TMA16: variants seen among roughly 807,000 people sequenced by gnomAD.
TMA16 encodes translation machinery associated 16 homolog, also known as translation machinery-associated protein 16.
Under a neutral mutation model 27.1 loss-of-function variants are expected in TMA16, and 26 were observed. The ratio of observed to expected loss-of-function variants is 0.96; its 90% CI spans 0.70 to 1.33. The LOEUF is 1.33. Ranked by LOEUF, TMA16 falls within the 40% of genes most tolerant of loss-of-function variation. The pLI is 0.00. For missense variants in TMA16, 233 were observed against 241.4 expected (o/e 0.97, Z 0.23); for synonymous variants, 71 against 81.9 (o/e 0.87, Z 0.72).
At chr4:163,495,388 C>A (rs981957115) in intron 1 of TMA16, among the ~76,000 whole-genome samples, 2 of 152,156 alleles carry the variant, frequency 1.3e-5, no homozygotes, top group Non-Finnish European at 2.9e-5. Flanking sequence ...TCTCGTTTAC[C>A]CATTTTGTAG....
intron 2 of TMA16, among the ~76,000 whole-genome samples, chr4:163,509,006 C>G (rs1329612780): frequency 6.6e-6 from 1 of 152,116 alleles, no homozygotes; most frequent in Non-Finnish European, 1.5e-5. Context: ...AGACAATGTT[C>G]TAAATAGATT....
At chr4:163,495,562 T>TG (rs1427135447) in intron 1 of TMA16, among the ~76,000 whole-genome samples, 2 of 152,242 alleles carry the variant, frequency 1.3e-5, no homozygotes, top group East Asian at 3.8e-4. Flanking sequence ...TGTTGTTTCT[T>TG]GCCTATTTTT....
At chr4:163,514,235 T>C in intron 4 of TMA16, 77 bp downstream of exon 4, 1 of 1,184,080 alleles carries the variant, frequency 8.4e-7, no homozygotes, top group Non-Finnish European at 1.2e-6. Flanking sequence ...CACAGAGCTC[T>C]GTTACGGATT....
intron 3 of TMA16, 87 bp from the exon 4 acceptor site, chr4:163,513,985 AAC>A (rs1226211279): frequency 1.9e-6 from 2 of 1,039,394 alleles, no homozygotes; most frequent in African/African-American, 3.3e-5. Context: ...TTCTGTTTTA[AAC>A]ACGTTAATGT....
chr4:163,505,672 A>G (rs1029204113), intron 1 of TMA16, among the ~76,000 whole-genome samples: 5 of 152,264 alleles, frequency 3.3e-5, no homozygotes, highest in Non-Finnish European at 7.4e-5. Flanking sequence ...ATGGGAAATA[A>G]TGGTGGAGAA....
intron 1 of TMA16, among the ~76,000 whole-genome samples, chr4:163,496,037 T>G (rs1482188214): frequency 1.3e-5 from 2 of 152,260 alleles, no homozygotes; most frequent in Non-Finnish European, 2.9e-5. Context: ...GAGCTTCACT[T>G]TTTATCAGGC....
At chr4:163,511,273 T>C (rs1737792837) in intron 2 of TMA16, among the ~76,000 whole-genome samples, 1 of 151,958 alleles carries the variant, frequency 6.6e-6, no homozygotes, top group South Asian at 2.1e-4. Flanking sequence ...AGTAGGTGTA[T>C]AGTGGTATTT....
Position 163,498,584 on chromosome 4 carries a change from G to A in TMA16, c.3+3780G>A, listed in dbSNP as rs1014071964. 2.0e-5 allele frequency among the ~76,000 whole-genome samples: 3 copies of A among 152,124 alleles called. No homozygotes were observed. In the East Asian group the frequency reaches 5.8e-4, roughly 29 times the overall value. ...TTACAGGCATGAGCCACTGTGCCCGGCTGGTTAAAAGATTTTTGACCAAGA... is the reference window on the plus strand; with the variant it reads ...TTACAGGCATGAGCCACTGTGCCCGACTGGTTAAAAGATTTTTGACCAAGA... On this transcript the variant is annotated intron_variant, in intron 1 of 6. Coordinates refer to ENST00000358572, the MANE Select transcript of TMA16 (RefSeq NM_018352.3).
intron 2 of TMA16, among the ~76,000 whole-genome samples, chr4:163,511,279 T>TTAAA: frequency 6.6e-6 from 1 of 151,982 alleles, no homozygotes; most frequent in Non-Finnish European, 1.5e-5. Context: ...TGTATAGTGG[T>TTAAA]ATTTCAGTGT....
chr4:163,496,741 G>T (rs960940961), intron 1 of TMA16, among the ~76,000 whole-genome samples: 16 of 151,978 alleles, frequency 1.1e-4, no homozygotes, highest in Non-Finnish European at 1.6e-4. Context: ...GGGGTTACAG[G>T]TGCCAGCCAC....
chr4:163,512,864 G>A lies in TMA16; in HGVS notation c.154+5G>A, dbSNP rs1168867781. 1 of 1,605,228 alleles carries A rather than the reference G, an allele frequency of 6.2e-7. No individual in the cohort carries two copies. The highest frequency in any genetic ancestry group is 8.5e-7 in the Non-Finnish European group (1 of 1,174,176). On this transcript the variant is annotated splice_donor_5th_base_variant and intron_variant, in intron 3 of 6. Transcript: ENST00000358572. The stretch of plus-strand genomic sequence containing the variant: ...CCTTGCGTCTCAACCTTGTTGGTAA[G>A]TGGGTTTACTTATTTGAAACTCTGG...
At chr4:163,510,457 A>T (rs1356456324) in intron 2 of TMA16, among the ~76,000 whole-genome samples, 2 of 152,130 alleles carry the variant, frequency 1.3e-5, no homozygotes, top group African/African-American at 4.8e-5. Flanking sequence ...TTATCTTTCT[A>T]ATGTTTAATA....
chr4:163,508,240 T>G (rs1205173702), intron 2 of TMA16, among the ~76,000 whole-genome samples: 1 of 152,170 alleles, frequency 6.6e-6, no homozygotes, highest in African/African-American at 2.4e-5. Flanking sequence ...CTTAAGTACA[T>G]GAAATACATC....
At position 163,520,200 on chromosome 4, in the gene TMA16, G is replaced by A. The variant is rs542688434; in HGVS notation, c.*686G>A. ...TTTTGCTTTTTTATTGTGAAAAGAG[G>A]TAGGTTTTATTTGTGGAGAGAGAGT... On this transcript the variant is annotated 3_prime_UTR_variant, in exon 7 of 7. Coordinates refer to ENST00000358572, the MANE Select transcript of TMA16 (RefSeq NM_018352.3). 1 of 299,264 alleles carries A rather than the reference G, an allele frequency of 3.3e-6. No individual in the cohort carries two copies. Among genetic ancestry groups the A allele is most frequent in the African/African-American group, 2.2e-5 (1 of 45,826 alleles). The allele number at this position is 299,264 out of a possible 1,614,324, so 18.5% of individuals were successfully genotyped here.
intron 1 of TMA16, among the ~76,000 whole-genome samples, chr4:163,505,456 G>C (rs1195904893): frequency 6.6e-6 from 1 of 152,204 alleles, no homozygotes; most frequent in Non-Finnish European, 1.5e-5. Flanking sequence ...ATTTGTGAAT[G>C]AGGAATTTGT....
chr4:163,497,753 C>G (rs1017827003), intron 1 of TMA16, among the ~76,000 whole-genome samples: 5 of 152,196 alleles, frequency 3.3e-5, no homozygotes, highest in Non-Finnish European at 7.3e-5. Flanking sequence ...TTAATCACAT[C>G]TGCAAGTCCT....
rs568885748 is a variant in TMA16 at position 163,515,267 on chromosome 4, A to G, written c.240-46A>G. The G allele has an allele frequency of 4.5e-6, 7 of 1,564,126 alleles. No homozygotes were observed. The African/African-American group carries it at 6.8e-5, about 15-fold the overall frequency. On this transcript the variant is annotated intron_variant, in intron 4 of 6. Transcript: ENST00000358572. ...TTTTCCATTAAGTAATGTAAGCCCA[A>G]TACATATACTTTGTATGTAACACAA...
In TMA16 at chr4:163,517,450, A is replaced by T. The variant is rs767393049; in HGVS notation, c.405A>T (p.Leu135=). ...CTTTTCCAGAGATTCCAGACATTCT[A>T]AATGCAAGTAATCTGAAAACATTTA... ...EGYGLEIPDI[L]NASNLKTFRE... The change falls in exon 6 of 7, where the codon CTA becomes CTT. Residue 135 remains leucine (L), a synonymous_variant. Coordinates refer to ENST00000358572, the MANE Select transcript of TMA16 (RefSeq NM_018352.3). 27 of 1,613,512 alleles carry T rather than the reference A, an allele frequency of 1.7e-5. No homozygotes were observed. The highest frequency in any genetic ancestry group is 2.7e-5 in the African/African-American group (2 of 75,016).
chr4:163,506,006 T>C (rs1737714337), intron 1 of TMA16, among the ~76,000 whole-genome samples: 1 of 152,234 alleles, frequency 6.6e-6, no homozygotes, highest in South Asian at 2.1e-4. Flanking sequence ...TGGATCTTTT[T>C]CTCACAGAAT....
Sources: gnomAD v4.1 joint callset for allele counts (sites outside exome capture counted in the v4.1 genomes callset) on GRCh38, gnomAD v4.1.1 for gene constraint, MANE v1.5 for transcripts, NCBI Gene and HGNC (gene_info 2026-07-23, HGNC 2026-07-21) for gene names.